Variants in ARAP1 observed in about 807,000 individuals in gnomAD.
ARAP1 encodes arf-GAP with Rho-GAP domain, ANK repeat and PH domain-containing protein 1.
In ARAP1, 76 loss-of-function variants were observed where a neutral mutation model predicts 172.2. The ratio of observed to expected loss-of-function variants is 0.44; its 90% CI spans 0.37 to 0.53. The LOEUF (loss-of-function observed/expected upper bound fraction) is 0.53. Among genes scored for constraint, ARAP1 ranks in the 20% least tolerant of loss-of-function variants. The pLI, the probability that ARAP1 is intolerant of heterozygous loss-of-function variation, is 0.00. For synonymous variants in ARAP1, 804 were observed against 803.3 expected, an observed-to-expected ratio of 1.00 and a Z score of -0.01; for missense variants, 1,686 against 1,977.5, an observed-to-expected ratio of 0.85 and a Z score of 2.80.
chr11:72,751,290 A>G (rs1858524442), intron 1 of ARAP1, among the ~76,000 whole-genome samples: 1 of 152,106 alleles, frequency 6.6e-6, no homozygotes, highest in African/African-American at 2.4e-5. Flanking sequence ...CATTCCTCAG[A>G]CACACCATCC....
intron 23 of ARAP1, among the ~76,000 whole-genome samples, chr11:72,696,290 G>A (rs1459988347): frequency 2.6e-5 from 4 of 152,220 alleles, no homozygotes; most frequent in Non-Finnish European, 4.4e-5. Flanking sequence ...AGGAGGCAGA[G>A]CTCAGGCAGT....
chr11:72,747,118 C>A (rs1858392224), intron 1 of ARAP1, among the ~76,000 whole-genome samples: 1 of 152,192 alleles, frequency 6.6e-6, no homozygotes, highest in South Asian at 2.1e-4. Flanking sequence ...CCAAGCTCCC[C>A]CAGGGCCACT....
chr11:72,745,631 G>T (rs1858343438), intron 1 of ARAP1, among the ~76,000 whole-genome samples: 1 of 152,088 alleles, frequency 6.6e-6, no homozygotes, highest in Non-Finnish European at 1.5e-5. Flanking sequence ...GTACCCACTG[G>T]AGGGATGTGC....
At position 72,695,451 on chromosome 11, in the gene ARAP1, G is replaced by A; in HGVS notation, c.3512C>T (p.Ala1171Val). The A allele has an allele frequency of 6.2e-7, 1 of 1,614,210 alleles. No individual in the cohort carries two copies. The part of the protein sequence containing the change: ...VAGTASGTQH[A>V]GDFICTVYLE... ...ATACACTGTGCAGATGAAGTCACCG[G>A]CATGCTGCAGGGAGACAGGGCTCAG... is the stretch of plus-strand genomic sequence containing the variant. The change falls in exon 26 of 35, where the codon GCC becomes GTC. Residue 1171 changes from alanine (A) to valine (V), a missense_variant. Physicochemically the swap from Ala to Val is moderately conservative, Grantham distance 64. Transcript: ENST00000393609. This position sits in a 1 kb window ranked among gnomAD's most constrained non-coding sequence, Gnocchi z 4.4.
intron 1 of ARAP1, among the ~76,000 whole-genome samples, chr11:72,745,724 C>T (rs72966137): frequency 2.6e-5 from 4 of 152,296 alleles, no homozygotes; most frequent in Non-Finnish European, 5.9e-5. Flanking sequence ...TCCCAAAGGG[C>T]ACCTGTGTCA....
intron 11 of ARAP1, among the ~76,000 whole-genome samples, chr11:72,709,637 C>T (rs546788292): frequency 9.2e-5 from 14 of 151,366 alleles, no homozygotes; most frequent in African/African-American, 2.2e-4. Context: ...AGCAGCATGG[C>T]GGGCAGGGGA....
chr11:72,719,124 G>A (rs900764737), intron 3 of ARAP1, among the ~76,000 whole-genome samples: 1 of 152,128 alleles, frequency 6.6e-6, no homozygotes, highest in African/African-American at 2.4e-5. Context: ...TGGCAGCCCA[G>A]CACCACAGCC....
At chr11:72,730,494 C>A (rs1288495048) in intron 2 of ARAP1, among the ~76,000 whole-genome samples, 1 of 152,248 alleles carries the variant, frequency 6.6e-6, no homozygotes, top group African/African-American at 2.4e-5. Flanking sequence ...GTCAGGAATT[C>A]GAGACCAGTC....
intron 16 of ARAP1, chr11:72,700,157 C>T (rs1046858028): frequency 6.3e-6 from 1 of 159,824 alleles, no homozygotes; most frequent in African/African-American, 2.4e-5. Flanking sequence ...CTGTCATGGC[C>T]ATGCAGGCTT....
intron 33 of ARAP1, among the ~76,000 whole-genome samples, chr11:72,686,434 G>C (rs900571518): frequency 1.3e-5 from 2 of 152,096 alleles, no homozygotes; most frequent in Admixed American, 1.3e-4. Context: ...CAAGAACCAA[G>C]AAAACATTTC....
At position 72,727,022 on chromosome 11, in the gene ARAP1, G is replaced by A. The variant is rs568660055; in HGVS notation, c.107C>T (p.Thr36Ile). Residue 36 changes from threonine (T) to isoleucine (I), a missense_variant, in exon 3 of 35, where the codon ACT (threonine) becomes ATT (isoleucine). By Grantham distance (89) the Thr-to-Ile change is moderately conservative. Coordinates refer to ENST00000393609, the MANE Select transcript of ARAP1 (RefSeq NM_001040118.3). ...GGTGTCGCTGAGGCCTTGGCACTCA[G>A]TGGCCCACACCAGGCCATGCTGCTC... is the stretch of plus-strand genomic sequence containing the variant. ...LFEQHGLVWA[T>I]ECQGLSDTRL... The A allele has an allele frequency of 6.2e-7, 1 of 1,609,844 alleles. No homozygotes were observed. Among genetic ancestry groups the A allele is most frequent in the African/African-American group, 1.3e-5 (1 of 74,932 alleles).
chr11:72,697,735 T>C, intron 19 of ARAP1, 86 bp from the exon 20 acceptor site: 1 of 1,573,104 alleles, frequency 6.4e-7, no homozygotes, highest in Non-Finnish European at 8.7e-7. Flanking sequence ...ACACACACCC[T>C]TGAGACCCGC....
intron 3 of ARAP1, among the ~76,000 whole-genome samples, chr11:72,716,582 T>C (rs879836558): frequency 2.0e-5 from 3 of 152,282 alleles, no homozygotes; most frequent in Non-Finnish European, 4.4e-5. Flanking sequence ...GTGTGGTGAC[T>C]TGCAAACTGG....
chr11:72,743,355 C>T (rs1461292655), intron 1 of ARAP1, among the ~76,000 whole-genome samples: 1 of 152,196 alleles, frequency 6.6e-6, no homozygotes, highest in African/African-American at 2.4e-5. Context: ...GCCCACCCTT[C>T]TGAAGTGCCC....
At chr11:72,712,779 T>C in intron 5 of ARAP1, 1 of 718,198 alleles carries the variant, frequency 1.4e-6, no homozygotes. Context: ...GAAACCGACC[T>C]AGGACACAGA....
rs561829764 is a variant in ARAP1, at chr11:72,748,304, G to A, written c.-128+4024C>T. 2.4e-4 allele frequency among the ~76,000 whole-genome samples: 36 copies of A among 152,148 alleles called. No homozygotes were observed. The East Asian group carries it at 6.6e-3, about 28-fold the overall frequency. ...TGGGAGGCCAAGGCGGGCGGATCACGAGGTCAGGAGTTCAAGATCATCCTG... is the reference window on the plus strand; with the variant it reads ...TGGGAGGCCAAGGCGGGCGGATCACAAGGTCAGGAGTTCAAGATCATCCTG... On this transcript the variant is annotated intron_variant, in intron 1 of 34. Coordinates refer to ENST00000393609, the MANE Select transcript of ARAP1 (RefSeq NM_001040118.3).
At position 72,693,083 on chromosome 11, in the gene ARAP1, T is replaced by C. The variant is rs1856009370; in HGVS notation, c.3954+242A>G. Reference sequence around the variant, plus strand: ...GGCACAGGCACAGTGAGACAGAGCATGGGCATGGAGTGGTGTGATGGCATC... The same window carrying C: ...GGCACAGGCACAGTGAGACAGAGCACGGGCATGGAGTGGTGTGATGGCATC... On this transcript the variant is annotated intron_variant, in intron 29 of 34. Transcript: ENST00000393609. The surrounding 1 kb of genome is among the most constrained non-coding windows in gnomAD (Gnocchi z 4.6). 1 of 654,976 alleles carries C rather than the reference T, an allele frequency of 1.5e-6. No homozygotes were observed. The highest frequency in any genetic ancestry group is 2.6e-6 in the Non-Finnish European group (1 of 382,128). The allele number at this position is 654,976 out of a possible 1,614,324, so 40.6% of individuals were successfully genotyped here.
At chr11:72,688,715 A>C in intron 30 of ARAP1, 178 bp from the exon 31 acceptor site, 1 of 581,770 alleles carries the variant, frequency 1.7e-6, no homozygotes, top group Non-Finnish European at 3.1e-6. Flanking sequence ...TAGCCCAACC[A>C]ACCTCCCAGC....
chr11:72,697,558 T>C, intron 20 of ARAP1, 40 bp downstream of exon 20: 1 of 1,613,630 alleles, frequency 6.2e-7, no homozygotes, highest in East Asian at 2.2e-5. Flanking sequence ...ATCAGACTGC[T>C]CCAGCCTTCT....
Sources: gnomAD v4.1 joint callset for allele counts (sites outside exome capture counted in the v4.1 genomes callset) on GRCh38, gnomAD v4.1.1 for gene constraint, Gnocchi (gnomAD v3.1) non-coding constraint, MANE v1.5 for transcripts, NCBI Gene and HGNC (gene_info 2026-07-23, HGNC 2026-07-21) for gene names.